Variants in TTC7A observed in about 807,000 individuals in gnomAD.
TTC7A encodes the protein tetratricopeptide repeat domain 7A.
TTC7A carries 110 observed loss-of-function variants against 103.7 expected under a neutral mutation model. The ratio of observed to expected loss-of-function variants is 1.06; its 90% confidence interval spans 0.91 to 1.24. The LOEUF (loss-of-function observed/expected upper bound fraction) is 1.24. Among genes scored for constraint, TTC7A ranks in the 50% most tolerant of loss-of-function variants. The pLI is 0.00. For synonymous variants in TTC7A, 521 were observed against 467.9 expected (o/e 1.11, Z -1.47); for missense variants, 1,340 against 1,116.3 (o/e 1.20, Z -2.86).
intron 1 of TTC7A, among the ~76,000 whole-genome samples, chr2:46,943,019 C>T (rs1217563199): frequency 1.3e-5 from 2 of 152,134 alleles, no homozygotes; most frequent in Non-Finnish European, 2.9e-5. Flanking sequence ...GATCATTCCA[C>T]CTCAGCCTCC....
At chr2:46,942,832 G>A (rs1221224683) in intron 1 of TTC7A, among the ~76,000 whole-genome samples, 1 of 152,214 alleles carries the variant, frequency 6.6e-6, no homozygotes, top group Non-Finnish European at 1.5e-5. Context: ...GAATGGGGAG[G>A]CAAGAAAGTG....
rs559204102 is a variant in TTC7A at position 46,932,114 on chromosome 2, A to T, written c.82+14837A>T. ...GAATAGAAAAAACTTCCTAAATCTG[A>T]GAAAAGATATCAGAAAGCAATGTAG... is the stretch of plus-strand genomic sequence containing the variant. On this transcript the variant is annotated intron_variant, in intron 2 of 20. Coordinates refer to the TTC7A transcript ENST00000409245. Among the ~76,000 whole-genome samples the T allele has an allele frequency of 6.6e-5, 10 of 152,212 alleles. No individual in the cohort carries two copies. The South Asian group carries it at 2.1e-3, about 32-fold the overall frequency.
intron 2 of TTC7A, among the ~76,000 whole-genome samples, chr2:46,931,900 A>G (rs2103843815): frequency 6.6e-6 from 1 of 152,326 alleles, no homozygotes. Flanking sequence ...TTAAGAAGCA[A>G]TAGGAAATTA....
chr2:46,938,129 A>G (rs1670070935), upstream of TTC7A, among the ~76,000 whole-genome samples: 1 of 152,076 alleles, frequency 6.6e-6, no homozygotes, highest in Non-Finnish European at 1.5e-5. Context: ...GATCTCCAAA[A>G]CCTCCTTGAA....
chr2:47,025,673 A>T (rs1679823791), intron 14 of TTC7A, among the ~76,000 whole-genome samples: 1 of 151,094 alleles, frequency 6.6e-6, no homozygotes, highest in Admixed American at 6.6e-5. Flanking sequence ...TGTCTCAACC[A>T]TTTTCTCCCC....
At chr2:47,004,543 A>G (rs1490280609) in intron 8 of TTC7A, among the ~76,000 whole-genome samples, 2 of 152,140 alleles carry the variant, frequency 1.3e-5, no homozygotes, top group Non-Finnish European at 2.9e-5. Context: ...TCGGTTAGGA[A>G]GGCTGAGTCC....
chr2:47,056,413 C>T (rs964454792), intron 18 of TTC7A, among the ~76,000 whole-genome samples: 4 of 152,206 alleles, frequency 2.6e-5, no homozygotes, highest in Non-Finnish European at 5.9e-5. Flanking sequence ...GAAGCACACT[C>T]ACCTGGAGAA....
At chr2:46,986,384 T>C (rs764442101) in intron 5 of TTC7A, among the ~76,000 whole-genome samples, 1 of 152,280 alleles carries the variant, frequency 6.6e-6, no homozygotes. Context: ...CAGTGCCTGC[T>C]ATGGGCCAGA....
Position 46,918,674 on chromosome 2 carries a change from G to A in TTC7A, c.82+1397G>A, listed in dbSNP as rs139049015. Among the ~76,000 whole-genome samples the A allele has an allele frequency of 2.4e-3, 364 of 152,328 alleles. 1 individual carries two copies. Among genetic ancestry groups the A allele is most frequent in the Middle Eastern group, 6.8e-3 (2 of 294 alleles). ...GGAAAGTTGGTGACCCTTATAAGCC[G>A]TAGTGAAACTGTCACTTGCTGGACC... On this transcript the variant is annotated intron_variant, in intron 2 of 20. Transcript: ENST00000409245.
At chr2:46,937,678 T>C (rs1483060691), upstream of TTC7A, among the ~76,000 whole-genome samples, 1 of 152,204 alleles carries the variant, frequency 6.6e-6, no homozygotes, top group Non-Finnish European at 1.5e-5. This position sits in a 1 kb window ranked among gnomAD's most constrained non-coding sequence, Gnocchi z 4.0. Context: ...ACTCAAGTGA[T>C]TCTCCCACCT....
At chr2:47,046,210 C>T (rs957227277) in intron 15 of TTC7A, 105 bp from the exon 16 acceptor site, 16 of 820,336 alleles carry the variant, frequency 2.0e-5, no homozygotes, top group South Asian at 1.1e-4. Context: ...CTGCTTTCTG[C>T]GAGTTAGGGA....
chr2:46,990,607 C>A (rs1268852997), intron 5 of TTC7A, among the ~76,000 whole-genome samples: 1 of 152,224 alleles, frequency 6.6e-6, no homozygotes, highest in East Asian at 1.9e-4. Context: ...TAATGAACCT[C>A]TGCTACATGC....
chr2:47,004,621 C>T (rs1288494078), intron 8 of TTC7A, among the ~76,000 whole-genome samples: 1 of 152,002 alleles, frequency 6.6e-6, no homozygotes, highest in African/African-American at 2.4e-5. Context: ...GAGGCTCAGA[C>T]AGAGGGAGGG....
chr2:46,921,679 G>C (rs1314364611), intron 2 of TTC7A, among the ~76,000 whole-genome samples: 1 of 152,222 alleles, frequency 6.6e-6, no homozygotes, highest in Non-Finnish European at 1.5e-5. Flanking sequence ...CCAGGGACCA[G>C]TTTCATGGAA....
chr2:47,006,742 C>A lies in TTC7A; in HGVS notation c.1287+18C>A. The A allele has an allele frequency of 1.9e-6, 3 of 1,594,104 alleles. No individual in the cohort carries two copies. Among genetic ancestry groups the A allele is most frequent in the Admixed American group, 1.7e-5 (1 of 59,990 alleles). On this transcript the variant is annotated intron_variant, in intron 10 of 19. Coordinates refer to ENST00000319190, the MANE Select transcript of TTC7A (RefSeq NM_020458.4). The stretch of plus-strand genomic sequence containing the variant: ...GTGGGAAGGTAAGGCCCAGGGGGCG[C>A]TAGGGGTTGCACACTCACCCGCAGG...
At chr2:46,916,004 G>A (rs1460002163), upstream of TTC7A, 2 of 985,292 alleles carry the variant, frequency 2.0e-6, no homozygotes, top group South Asian at 4.7e-5. Flanking sequence ...GGCGACACTC[G>A]GCTCCACTCC....
chr2:47,000,558 AC>A (rs571944197), intron 8 of TTC7A, among the ~76,000 whole-genome samples: 77 of 152,282 alleles, frequency 5.1e-4, no homozygotes, highest in African/African-American at 1.8e-3. Context: ...GGAACATGTC[AC>A]AGAGCATGTT....
chr2:46,950,525 C>A lies in TTC7A; in HGVS notation c.347C>A (p.Ser116Ter), dbSNP rs115234247. 15 of 1,613,884 alleles carry A rather than the reference C, an allele frequency of 9.3e-6. No homozygotes were observed. Among genetic ancestry groups the A allele is most frequent in the Non-Finnish European group, 1.3e-5 (15 of 1,179,916 alleles). Residue 116 changes from serine to a stop codon, truncating the protein, a stop_gained and splice_region_variant, in exon 2 of 20, where the codon TCG (serine) becomes TAG (stop). Coordinates refer to ENST00000319190, the MANE Select transcript of TTC7A (RefSeq NM_020458.4). LOFTEE classifies it high-confidence loss of function. Reference sequence around the variant, plus strand: ...AGTATCCTTAACCATGGGAGGCTCTCGGTAAGTCGTCAGCCTTCAAGCCTG... The same window carrying A: ...AGTATCCTTAACCATGGGAGGCTCTAGGTAAGTCGTCAGCCTTCAAGCCTG... The part of the protein sequence containing the change: ...LSSILNHGRL[S>*]PQYMCEAMLI...
chr2:47,011,726 A>G (rs1387829214), intron 11 of TTC7A, among the ~76,000 whole-genome samples: 1 of 152,224 alleles, frequency 6.6e-6, no homozygotes, highest in East Asian at 1.9e-4. Flanking sequence ...CCAGCAGCAG[A>G]GTAGTAGGTA....
Sources: allele counts gnomAD v4.1 joint callset (sites outside exome capture counted in the v4.1 genomes callset), GRCh38; gene constraint gnomAD v4.1.1; non-coding constraint Gnocchi (gnomAD v3.1); transcripts MANE v1.5; gene names NCBI Gene and HGNC (gene_info 2026-07-23, HGNC 2026-07-21).